Variants in ALKAL1 observed in about 807,000 individuals in gnomAD.
The protein encoded by ALKAL1 is AUG-beta.
A neutral mutation model predicts 13.5 loss-of-function variants in ALKAL1; 23 were observed. That is an observed-to-expected ratio of 1.70 (90% confidence interval 1.23 to 2.41). The LOEUF is 2.41. ALKAL1 is among the 30% of genes most tolerant of loss of function. The probability of loss-of-function intolerance (pLI) is 0.00; values close to 1 mark genes in which losing one functional copy is unlikely to be tolerated. For missense variants in ALKAL1, 181 were observed against 178.4 expected, an observed-to-expected ratio of 1.01 and a Z score of -0.08; for synonymous variants, 85 against 77.7, an observed-to-expected ratio of 1.09 and a Z score of -0.49.
chr8:52,536,723 G>A (rs991080466), intron 4 of ALKAL1, among the ~76,000 whole-genome samples: 4 of 152,070 alleles, frequency 2.6e-5, no homozygotes, highest in African/African-American at 9.7e-5. Flanking sequence ...TTAAAAAATA[G>A]AACATCTAAG....
chr8:52,536,494 C>T (rs925988603), intron 4 of ALKAL1, among the ~76,000 whole-genome samples: 8 of 152,194 alleles, frequency 5.3e-5, no homozygotes, highest in African/African-American at 1.9e-4. Context: ...TGCCCAAGGG[C>T]TCCTACGATA....
chr8:52,556,456 G>A (rs368365584), intron 1 of ALKAL1, among the ~76,000 whole-genome samples: 11 of 151,772 alleles, frequency 7.2e-5, no homozygotes, highest in African/African-American at 2.7e-4. Flanking sequence ...GACCATCCTG[G>A]CTAACACGGT....
At chr8:52,564,229 C>A in intron 1 of ALKAL1, among the ~76,000 whole-genome samples, 1 of 152,166 alleles carries the variant, frequency 6.6e-6, no homozygotes, top group Non-Finnish European at 1.5e-5. Flanking sequence ...GGCAGCTTCA[C>A]CTTGCTCTGC....
intron 1 of ALKAL1, among the ~76,000 whole-genome samples, chr8:52,546,959 C>A (rs1377150885): frequency 6.6e-6 from 1 of 152,184 alleles, no homozygotes; most frequent in Non-Finnish European, 1.5e-5. Flanking sequence ...GCCTGCCCTG[C>A]AGCACACTCC....
intron 4 of ALKAL1, 29 bp from the exon 5 acceptor site, chr8:52,534,629 T>C: frequency 1.7e-6 from 1 of 579,846 alleles, no homozygotes; most frequent in South Asian, 2.3e-5. Context: ...AGCCATATCA[T>C]TTATGACCTG....
intron 1 of ALKAL1, among the ~76,000 whole-genome samples, chr8:52,544,817 T>A (rs927932064): frequency 6.6e-6 from 1 of 152,172 alleles, no homozygotes; most frequent in Non-Finnish European, 1.5e-5. Context: ...CAGTAACCAC[T>A]GCACTCTGTA....
At chr8:52,554,942 C>A (rs1443684271) in intron 1 of ALKAL1, among the ~76,000 whole-genome samples, 1 of 152,068 alleles carries the variant, frequency 6.6e-6, no homozygotes, top group African/African-American at 2.4e-5. Context: ...GAGGCTGAGG[C>A]GGGCGGATCA....
intron 1 of ALKAL1, among the ~76,000 whole-genome samples, chr8:52,552,310 C>T (rs1847438053): frequency 2.6e-5 from 4 of 152,104 alleles, no homozygotes; most frequent in Admixed American, 6.5e-5. Context: ...AGGGTGCACA[C>T]TTTTAGTGTA....
At chr8:52,557,518 T>A (rs1428416456) in intron 1 of ALKAL1, among the ~76,000 whole-genome samples, 1 of 152,224 alleles carries the variant, frequency 6.6e-6, no homozygotes, top group Non-Finnish European at 1.5e-5. Flanking sequence ...ATTTTCGGTG[T>A]TTTTGTTTTC....
intron 3 of ALKAL1, among the ~76,000 whole-genome samples, chr8:52,539,375 T>C (rs946482930): frequency 3.9e-5 from 6 of 152,188 alleles, no homozygotes; most frequent in Non-Finnish European, 7.4e-5. Context: ...GAATTCATTA[T>C]AGCAACCTTT....
chr8:52,556,507 C>A (rs1035631451), intron 1 of ALKAL1, among the ~76,000 whole-genome samples: 1 of 151,490 alleles, frequency 6.6e-6, no homozygotes, highest in African/African-American at 2.4e-5. Flanking sequence ...ATTAGCCGGG[C>A]GTGGTGGCGC....
chr8:52,552,075 T>C (rs942339241), intron 1 of ALKAL1, among the ~76,000 whole-genome samples: 1 of 152,324 alleles, frequency 6.6e-6, no homozygotes, highest in Admixed American at 6.5e-5. Context: ...GGATGCCACA[T>C]TGCACTTAGT....
At chr8:52,542,151 G>A (rs1847319789) in intron 2 of ALKAL1, among the ~76,000 whole-genome samples, 1 of 152,116 alleles carries the variant, frequency 6.6e-6, no homozygotes, top group Admixed American at 6.5e-5. Flanking sequence ...GCCGTTCTTG[G>A]TAGTTCTTGG....
At chr8:52,565,006 AG>A (rs1198114395) in intron 1 of ALKAL1, 60 bp downstream of exon 1, 1 of 1,271,364 alleles carries the variant, frequency 7.9e-7, no homozygotes, top group African/African-American at 1.6e-5. Context: ...CCCAGCTCCT[AG>A]GGGAATCCAC....
Position 52,565,096 on chromosome 8 carries a change from C to A in ALKAL1, c.161G>T (p.Gly54Val). The change falls in exon 1 of 5, where the codon GGC becomes GTC. Residue 54 changes from glycine (G) to valine (V), a missense_variant. Transcript: ENST00000358543. ...GCTCCGGGAGCCGCTGGGAGTCCGG[C>A]CGGCCCCGGCCGCGGGGAGGAAAAG... ...PLLFLPAAGA[G>V]RTPSGSRSAE... The A allele has an allele frequency of 1.4e-6, 2 of 1,413,468 alleles. No homozygotes were observed. The highest frequency in any genetic ancestry group is 3.0e-5 in the Admixed American group (1 of 33,514). 87.6% of individuals were successfully genotyped at this position (1,413,468 alleles called of 1,614,324 possible).
chr8:52,537,594 A>T lies in ALKAL1; in HGVS notation c.*12+837T>A, dbSNP rs768275051. Among the ~76,000 whole-genome samples the T allele has an allele frequency of 2.0e-4, 31 of 152,184 alleles. 1 individual carries two copies. The highest frequency in any genetic ancestry group is 4.0e-4 in the Non-Finnish European group (27 of 68,024). On this transcript the variant is annotated intron_variant, in intron 4 of 4. Transcript: ENST00000358543. The stretch of plus-strand genomic sequence containing the variant: ...AAACTAAATGTCCATCAATGGATGA[A>T]TGGATAAAGAAAATGTGTATATACA...
intron 2 of ALKAL1, among the ~76,000 whole-genome samples, chr8:52,541,519 G>C (rs1402008156): frequency 6.6e-6 from 1 of 152,084 alleles, no homozygotes; most frequent in Non-Finnish European, 1.5e-5. Context: ...TGTAATCCCA[G>C]CACTTTGGGA....
intron 2 of ALKAL1, 86 bp from the exon 3 acceptor site, chr8:52,539,997 C>T: frequency 1.8e-6 from 2 of 1,132,122 alleles, no homozygotes; most frequent in Non-Finnish European, 2.6e-6. Flanking sequence ...GGATATAATA[C>T]AACAGCACTT....
chr8:52,549,058 A>G (rs1847402116), intron 1 of ALKAL1, among the ~76,000 whole-genome samples: 1 of 152,178 alleles, frequency 6.6e-6, no homozygotes, highest in South Asian at 2.1e-4. Context: ...CCATAAAGAT[A>G]ATTTGTTCTG....
Sources: gnomAD v4.1 joint callset for allele counts (sites outside exome capture counted in the v4.1 genomes callset) on GRCh38, gnomAD v4.1.1 for gene constraint, MANE v1.5 for transcripts, NCBI Gene and HGNC (gene_info 2026-07-23, HGNC 2026-07-21) for gene names.